LOC112694756: variants seen among roughly 807,000 people sequenced by gnomAD.
At chr16:30,057,215 T>C in the LOC112694756 span, among the ~76,000 whole-genome samples, 1 of 152,266 alleles carries the variant, frequency 6.6e-6, no homozygotes, top group African/African-American at 2.4e-5. Flanking sequence ...CAGCCTCTAC[T>C]TGCCCTTTTT....
At chr16:30,059,505 T>A in the LOC112694756 span, among the ~76,000 whole-genome samples, 36 of 147,714 alleles carry the variant, frequency 2.4e-4, no homozygotes, top group East Asian at 2.6e-3. Flanking sequence ...TCTCAAAAAA[T>A]AATAATAATA....
the LOC112694756 span, among the ~76,000 whole-genome samples, chr16:30,061,002 G>A: frequency 2.0e-5 from 3 of 152,210 alleles, no homozygotes; most frequent in Non-Finnish European, 2.9e-5. Context: ...CCTATTCCTG[G>A]CTTGGCCAAG....
chr16:30,069,211 T>G, the LOC112694756 span: 1 of 1,454,354 alleles, frequency 6.9e-7, no homozygotes, highest in Non-Finnish European at 9.6e-7. Flanking sequence ...GTCCCTGGCA[T>G]CATCAAGATA....
chr16:30,060,444 TCTC>T, the LOC112694756 span, among the ~76,000 whole-genome samples: 1 of 151,732 alleles, frequency 6.6e-6, no homozygotes, highest in Non-Finnish European at 1.5e-5. Flanking sequence ...AGTGAAAAAC[TCTC>T]CTGAGAGCCA....
chr16:30,069,009 C>T, the LOC112694756 span: 4 of 1,613,846 alleles, frequency 2.5e-6, no homozygotes, highest in African/African-American at 1.3e-5. Flanking sequence ...TAGGCAACCT[C>T]CTACCTCATT....
At chr16:30,063,140 CAAA>C in the LOC112694756 span, among the ~76,000 whole-genome samples, 1 of 105,838 alleles carries the variant, frequency 9.4e-6, no homozygotes, top group Non-Finnish European at 2.0e-5. Context: ...GACCCTGTCT[CAAA>C]AAAAAAAAAA....
chr16:30,065,284 C>T, the LOC112694756 span, among the ~76,000 whole-genome samples: 1 of 152,250 alleles, frequency 6.6e-6, no homozygotes, highest in African/African-American at 2.4e-5. Context: ...GCGGGCGAGG[C>T]AGGCTAACGC....
the LOC112694756 span, among the ~76,000 whole-genome samples, chr16:30,062,285 G>A: frequency 3.3e-4 from 51 of 152,318 alleles, no homozygotes; most frequent in African/African-American, 1.2e-3. Flanking sequence ...TGTAATCCCA[G>A]CACTTTGGGA....
chr16:30,070,362 A>G, the LOC112694756 span: 1 of 721,006 alleles, frequency 1.4e-6, no homozygotes, highest in Non-Finnish European at 2.4e-6. Flanking sequence ...TGTGAATGCT[A>G]AGTCCATCAC....
chr16:30,062,570 C>T, the LOC112694756 span, among the ~76,000 whole-genome samples: 11 of 151,114 alleles, frequency 7.3e-5, no homozygotes, highest in South Asian at 1.3e-3. Flanking sequence ...GAGCCGAGCA[C>T]GGTGGTTCAT....
chr16:30,058,781 C>A, the LOC112694756 span, among the ~76,000 whole-genome samples: 3 of 152,204 alleles, frequency 2.0e-5, no homozygotes, highest in Non-Finnish European at 4.4e-5. Flanking sequence ...CACGCCTGGC[C>A]TGCTCTGCTT....
chr16:30,057,973 A>T, the LOC112694756 span, among the ~76,000 whole-genome samples: 1 of 151,112 alleles, frequency 6.6e-6, no homozygotes, highest in East Asian at 1.9e-4. Context: ...GCCTTAGAGG[A>T]GATGCTCCAT....
chr16:30,055,053 T>G, the LOC112694756 span: 29 of 398,888 alleles, frequency 7.3e-5, no homozygotes, highest in Non-Finnish European at 1.2e-4. Flanking sequence ...ATCCGTTTTG[T>G]GGTACCAGGG....
chr16:30,066,559 C>G, the LOC112694756 span, among the ~76,000 whole-genome samples: 1 of 152,356 alleles, frequency 6.6e-6, no homozygotes, highest in Admixed American at 6.5e-5. Flanking sequence ...CCGCCCTTTC[C>G]TGGGCTTCTC....
chr16:30,069,807 C>T, the LOC112694756 span: 1 of 1,614,024 alleles, frequency 6.2e-7, no homozygotes, highest in Non-Finnish European at 8.5e-7. Context: ...CACAGCCCCT[C>T]TCGCCTCACC....
At chr16:30,061,802 C>T in the LOC112694756 span, among the ~76,000 whole-genome samples, 5 of 151,636 alleles carry the variant, frequency 3.3e-5, no homozygotes, top group Admixed American at 6.6e-5. Flanking sequence ...TTAAGTGATC[C>T]GCCCACCTTG....
the LOC112694756 span, chr16:30,069,272 A>T: frequency 2.5e-6 from 4 of 1,609,700 alleles, no homozygotes; most frequent in Non-Finnish European, 3.4e-6. Flanking sequence ...CTGGGTTAGG[A>T]GGCCTCACAG....
At chr16:30,069,483 G>A in the LOC112694756 span, 12 of 1,613,856 alleles carry the variant, frequency 7.4e-6, no homozygotes, top group East Asian at 1.6e-4. Context: ...CCCACCGTGC[G>A]CCTGCTCTGC....
the LOC112694756 span, chr16:30,070,081 A>G: frequency 2.3e-5 from 37 of 1,613,496 alleles, no homozygotes; most frequent in Non-Finnish European, 3.1e-5. Flanking sequence ...GGACTCGGAG[A>G]AGAGCCCTTC....
Sources: gnomAD v4.1 joint callset for allele counts (sites outside exome capture counted in the v4.1 genomes callset) on GRCh38, gnomAD v4.1.1 for gene constraint, MANE v1.5 for transcripts.